Variants in TMEM132D observed in about 807,000 individuals in gnomAD.
TMEM132D encodes mature OL transmembrane protein.
Under a neutral mutation model 62.3 loss-of-function variants are expected in TMEM132D, and 21 were observed. The observed-to-expected ratio is 0.34, with a 90% CI of 0.24 to 0.49. The LOEUF (loss-of-function observed/expected upper bound fraction) is 0.49, where lower values mean the gene tolerates loss of function less well. TMEM132D is among the 20% of genes least tolerant of loss of function. The pLI, the probability that TMEM132D is intolerant of heterozygous loss-of-function variation, is 0.99. For synonymous variants in TMEM132D, 621 were observed against 575.6 expected, an observed-to-expected ratio of 1.08 and a Z score of -1.13; for missense variants, 1,346 against 1,402.8, an observed-to-expected ratio of 0.96 and a Z score of 0.65.
At chr12:129,180,858 G>A (rs938555153) in intron 5 of TMEM132D, among the ~76,000 whole-genome samples, 13 of 152,096 alleles carry the variant, frequency 8.5e-5, no homozygotes, top group South Asian at 4.2e-4. Context: ...AGTCAGGGCC[G>A]GGGAGAGCCA....
intron 3 of TMEM132D, among the ~76,000 whole-genome samples, chr12:129,488,895 G>A (rs1409939295): frequency 1.3e-5 from 2 of 151,974 alleles, no homozygotes; most frequent in Non-Finnish European, 2.9e-5. Flanking sequence ...TTGGCTCCCT[G>A]GCCAGCCTGC....
In TMEM132D at chr12:129,760,817, T is replaced by C. The variant is rs148848641; in HGVS notation, c.80-60119A>G. Reference sequence around the variant, plus strand: ...CCTAATGCTCTCCATCCCCTTTCTCTGCAACCCCCAACAGGCCCCGTGTGT... The same window carrying C: ...CCTAATGCTCTCCATCCCCTTTCTCCGCAACCCCCAACAGGCCCCGTGTGT... On this transcript the variant is annotated intron_variant, in intron 1 of 8. Coordinates refer to ENST00000422113, the MANE Select transcript of TMEM132D (RefSeq NM_133448.3). Among the ~76,000 whole-genome samples the C allele has an allele frequency of 4.8e-3, 728 of 152,136 alleles. 8 individuals are homozygous for C. Among genetic ancestry groups the C allele is most frequent in the Admixed American group, 0.017 (262 of 15,270 alleles).
intron 1 of TMEM132D, among the ~76,000 whole-genome samples, chr12:129,870,984 G>A (rs370787509): frequency 1.7e-3 from 264 of 152,182 alleles, no homozygotes; most frequent in African/African-American, 6.3e-3. Flanking sequence ...AACACCTGTG[G>A]AGAGAGACAC....
At chr12:129,757,687 G>T (rs145422109) in intron 1 of TMEM132D, among the ~76,000 whole-genome samples, 111 of 152,238 alleles carry the variant, frequency 7.3e-4, no homozygotes, top group Admixed American at 2.0e-3. Flanking sequence ...CTCCAAAAGG[G>T]TTTCCTGAGG....
At chr12:129,168,748 G>C (rs2135545381) in intron 5 of TMEM132D, among the ~76,000 whole-genome samples, 1 of 152,278 alleles carries the variant, frequency 6.6e-6, no homozygotes, top group Admixed American at 6.5e-5. Flanking sequence ...CCAGATGCTG[G>C]TGGTATCTCA....
intron 3 of TMEM132D, among the ~76,000 whole-genome samples, chr12:129,342,490 A>T (rs1471796934): frequency 6.6e-6 from 1 of 152,086 alleles, no homozygotes; most frequent in Non-Finnish European, 1.5e-5. Flanking sequence ...AAACCTAGGC[A>T]ATACCATTCA....
chr12:129,379,212 C>A (rs759086257), intron 3 of TMEM132D, among the ~76,000 whole-genome samples: 2 of 152,130 alleles, frequency 1.3e-5, no homozygotes, highest in Non-Finnish European at 2.9e-5. Flanking sequence ...CATGCACACA[C>A]ACAGAGTCAG....
chr12:129,387,249 CACT>C (rs1871132561), intron 3 of TMEM132D, among the ~76,000 whole-genome samples: 1 of 111,140 alleles, frequency 9.0e-6, no homozygotes, highest in African/African-American at 4.2e-5. Flanking sequence ...CTAATGCTAA[CACT>C]AATAATAATA....
chr12:129,861,097 A>G lies in TMEM132D; in HGVS notation c.79+42164T>C, dbSNP rs551561609. Among the ~76,000 whole-genome samples, 144 of 152,322 alleles carry G rather than the reference A, an allele frequency of 9.5e-4. 1 individual carries two copies. Among genetic ancestry groups the G allele is most frequent in the African/African-American group, 3.1e-3 (130 of 41,582 alleles). On this transcript the variant is annotated intron_variant, in intron 1 of 8. Transcript: ENST00000422113. ...TTAACCTTTTGAAACGCTTTCTGAA[A>G]ATCTTTTTTATAGAATTATACTTTG... is the stretch of plus-strand genomic sequence containing the variant.
intron 2 of TMEM132D, among the ~76,000 whole-genome samples, chr12:129,623,683 A>G (rs111999900): frequency 4.6e-4 from 64 of 139,206 alleles, no homozygotes; most frequent in African/African-American, 1.6e-3. Context: ...ACACATATAT[A>G]TACATATATA....
chr12:129,285,244 T>C (rs1881259130), intron 4 of TMEM132D, among the ~76,000 whole-genome samples: 1 of 151,278 alleles, frequency 6.6e-6, no homozygotes, highest in Non-Finnish European at 1.5e-5. Context: ...CTAGGCTGGG[T>C]GTGGTGGCTC....
chr12:129,334,772 T>C lies in TMEM132D; in HGVS notation c.1299+2862A>G, dbSNP rs1869222551. The stretch of plus-strand genomic sequence containing the variant: ...AGCCGGCTAATTTTTGTAGTTTTAG[T>C]AGAGACAAGGTTTCACCATGTTGGC... On this transcript the variant is annotated intron_variant, in intron 4 of 8. Coordinates refer to ENST00000422113, the MANE Select transcript of TMEM132D (RefSeq NM_133448.3). 2.0e-5 allele frequency among the ~76,000 whole-genome samples: 3 copies of C among 152,172 alleles called. No individual in the cohort carries two copies. The South Asian group carries it at 6.2e-4, about 32-fold the overall frequency.
chr12:129,142,216 C>T (rs1876765638), intron 5 of TMEM132D, among the ~76,000 whole-genome samples: 1 of 152,056 alleles, frequency 6.6e-6, no homozygotes, highest in Admixed American at 6.5e-5. Context: ...GTGCAAGACC[C>T]TTGGAAGGTG....
rs965438838 is a variant in TMEM132D at position 129,809,304 on chromosome 12, T to C, written c.79+93957A>G. 8.6e-5 allele frequency among the ~76,000 whole-genome samples: 7 copies of C among 81,136 alleles called. No homozygotes were observed. The Admixed American group carries it at 9.1e-4, about 11-fold the overall frequency. The allele number at this position is 81,136 out of a possible 152,430, so 53.2% of individuals were successfully genotyped here. ...GCCTGGGCGACAGAGCGAGACTCCA[T>C]ATCAAAAAAAAAAAAAAAAATTTTT... is the stretch of plus-strand genomic sequence containing the variant. On this transcript the variant is annotated intron_variant, in intron 1 of 8. Transcript: ENST00000422113.
chr12:129,441,146 T>C lies in TMEM132D; in HGVS notation c.1115+89913A>G, dbSNP rs1007245051. On this transcript the variant is annotated intron_variant, in intron 3 of 8. Coordinates refer to ENST00000422113, the MANE Select transcript of TMEM132D (RefSeq NM_133448.3). ...GTTCACTAAGATTTGCAAGATTGCATGCACATACCTGTATATATGCAGCAT... is the reference window on the plus strand; with the variant it reads ...GTTCACTAAGATTTGCAAGATTGCACGCACATACCTGTATATATGCAGCAT... Among the ~76,000 whole-genome samples, 11 of 152,332 alleles carry C rather than the reference T, an allele frequency of 7.2e-5. No individual in the cohort carries two copies. In the South Asian group the frequency reaches 2.1e-3, roughly 29 times the overall value.
At position 129,092,461 on chromosome 12, in the gene TMEM132D, T is replaced by G. The variant is rs188642082; in HGVS notation, c.1444-7759A>C. 2.6e-5 allele frequency among the ~76,000 whole-genome samples: 4 copies of G among 152,224 alleles called. No homozygotes were observed. The East Asian group carries it at 5.8e-4, about 22-fold the overall frequency. On this transcript the variant is annotated intron_variant, in intron 5 of 8. Transcript: ENST00000422113. ...TTTGTGCTTAGTCTCTGTCTTGGAT[T>G]AAAAATGTGGATCACCTGAGGTCAG...
chr12:129,487,109 C>A (rs970726181), intron 3 of TMEM132D, among the ~76,000 whole-genome samples: 3 of 151,852 alleles, frequency 2.0e-5, no homozygotes, highest in African/African-American at 7.3e-5. Context: ...TTCAGCTGAA[C>A]CTTGATGATA....
chr12:129,401,898 C>A (rs1048889577), intron 3 of TMEM132D, among the ~76,000 whole-genome samples: 1 of 152,172 alleles, frequency 6.6e-6, no homozygotes, highest in Non-Finnish European at 1.5e-5. Context: ...CCAGCCAGGG[C>A]AGCCTGAGGA....
chr12:129,255,694 T>A lies in TMEM132D; in HGVS notation c.1300-46031A>T, dbSNP rs1880382590. ...GTCCCTCACTCCACCCCCAAACCCA[T>A]CCCATCTCTGTTCTACAGATTCAGC... On this transcript the variant is annotated intron_variant, in intron 4 of 8. Coordinates refer to ENST00000422113, the MANE Select transcript of TMEM132D (RefSeq NM_133448.3). 2.0e-5 allele frequency among the ~76,000 whole-genome samples: 3 copies of A among 152,078 alleles called. No individual in the cohort carries two copies. In the South Asian group the frequency reaches 6.2e-4, roughly 31 times the overall value.
Sources: allele counts gnomAD v4.1 joint callset (sites outside exome capture counted in the v4.1 genomes callset), GRCh38; gene constraint gnomAD v4.1.1; transcripts MANE v1.5; gene names NCBI Gene and HGNC (gene_info 2026-07-23, HGNC 2026-07-21).